Variants in CELF2 observed in about 807,000 individuals in gnomAD.
CELF2 encodes the protein CUG triplet repeat RNA-binding protein 2.
A neutral mutation model predicts 62.6 loss-of-function variants in CELF2; 8 were observed. The observed-to-expected ratio is 0.13, with a 90% confidence interval of 0.07 to 0.23. The LOEUF (loss-of-function observed/expected upper bound fraction) is 0.23. CELF2 is among the 10% of genes least tolerant of loss of function. The pLI is 1.00. For synonymous variants in CELF2, 258 were observed against 250.0 expected (o/e 1.03, Z -0.30); for missense variants, 333 against 671.0 (o/e 0.50, Z 5.56).
chr10:10,483,435 G>A, the CELF2 span, among the ~76,000 whole-genome samples: 1 of 152,166 alleles, frequency 6.6e-6, no homozygotes, highest in South Asian at 2.1e-4. Flanking sequence ...GGAGTCCACT[G>A]GGTATGTAAA....
the CELF2 span, among the ~76,000 whole-genome samples, chr10:10,751,437 GC>G: frequency 6.6e-6 from 1 of 152,196 alleles, no homozygotes; most frequent in African/African-American, 2.4e-5. Flanking sequence ...TATCTGAAGG[GC>G]ACAGAATGAT....
rs796607505 is a variant in CELF2, at chr10:11,188,531, GT to G, written c.271+22858del. ...TTTCAGATGTCATCCTTCTCCTTCT[GT>G]TTTTTTTTCCTCAGTCTGCTTTTAA... On this transcript the variant is annotated intron_variant, in intron 2 of 12. Transcript: ENST00000633077. Among the ~76,000 whole-genome samples the G allele has an allele frequency of 3.5e-3, 534 of 150,866 alleles. 5 individuals are homozygous for G. The highest frequency in any genetic ancestry group is 0.012 in the African/African-American group (499 of 41,120).
At chr10:10,788,453 CTTT>C in the CELF2 span, among the ~76,000 whole-genome samples, 3 of 95,746 alleles carry the variant, frequency 3.1e-5, no homozygotes, top group African/African-American at 3.8e-5. Flanking sequence ...TTCTTTCCAT[CTTT>C]TTTTTTTTTT....
intron 2 of CELF2, among the ~76,000 whole-genome samples, chr10:10,978,831 T>A (rs2051692444): frequency 6.6e-6 from 1 of 152,226 alleles, no homozygotes; most frequent in Non-Finnish European, 1.5e-5. Context: ...GTATTACTGA[T>A]GAATACTAGG....
At chr10:11,037,777 A>G (rs1466079668) in intron 1 of CELF2, among the ~76,000 whole-genome samples, 1 of 152,174 alleles carries the variant, frequency 6.6e-6, no homozygotes, top group African/African-American at 2.4e-5. Context: ...TTTAGTCTCC[A>G]CTTTGAAATG....
chr10:10,722,725 T>C, the CELF2 span, among the ~76,000 whole-genome samples: 1 of 152,256 alleles, frequency 6.6e-6, no homozygotes, highest in Non-Finnish European at 1.5e-5. Context: ...TGATTTTCTA[T>C]GACCAGCCAG....
At chr10:10,720,801 G>A in the CELF2 span, among the ~76,000 whole-genome samples, 1 of 152,176 alleles carries the variant, frequency 6.6e-6, no homozygotes, top group Non-Finnish European at 1.5e-5. Context: ...AACCTGGGTG[G>A]GCTTGGCTGG....
chr10:10,599,352 G>A, the CELF2 span, among the ~76,000 whole-genome samples: 2 of 152,296 alleles, frequency 1.3e-5, no homozygotes, highest in East Asian at 3.9e-4. Context: ...CAGATTTACT[G>A]AGAAGACTAA....
chr10:11,138,033 AGATGATAGAT>A (rs766098307), intron 1 of CELF2, among the ~76,000 whole-genome samples: 1 of 152,262 alleles, frequency 6.6e-6, no homozygotes, highest in Non-Finnish European at 1.5e-5. Flanking sequence ...AAACAGATTT[AGATGATAGAT>A]GAATTTTGGC....
chr10:10,673,440 A>T, the CELF2 span, among the ~76,000 whole-genome samples: 1 of 151,202 alleles, frequency 6.6e-6, no homozygotes, highest in East Asian at 1.9e-4. Context: ...CCTTGGTTGG[A>T]CTCACTAGGG....
At position 11,333,817 on chromosome 10, in the gene CELF2, C is replaced by T. The variant is rs369796088; in HGVS notation, c.*4764C>T. On this transcript the variant is annotated 3_prime_UTR_variant, in exon 13 of 13. Coordinates refer to ENST00000633077, the MANE Select transcript of CELF2 (RefSeq NM_001326342.2). ...TGGAATTTGAGCCAAAAAAAAAATACGCAGGCTTTCCTATTTCTACAACTG... is the reference window on the plus strand; with the variant it reads ...TGGAATTTGAGCCAAAAAAAAAATATGCAGGCTTTCCTATTTCTACAACTG... 62 of 151,886 alleles carry T rather than the reference C, an allele frequency of 4.1e-4. No homozygotes were observed. The East Asian group carries it at 6.4e-3, about 16-fold the overall frequency. 9.4% of individuals were successfully genotyped at this position (151,886 alleles called of 1,614,324 possible).
rs2094232235 is a variant in CELF2 at position 11,306,666 on chromosome 10, A to G, written c.977-7473A>G. Among the ~76,000 whole-genome samples, 2 of 152,198 alleles carry G rather than the reference A, an allele frequency of 1.3e-5. No homozygotes were observed. Among genetic ancestry groups the G allele is most frequent in the African/African-American group, 4.8e-5 (2 of 41,452 alleles). On this transcript the variant is annotated intron_variant, in intron 9 of 12. Transcript: ENST00000633077. This position sits in a 1 kb window ranked among gnomAD's most constrained non-coding sequence, Gnocchi z 4.4. ...TTTTCAAAGTATTGTCTGATGATGT[A>G]GAGTGCACAGGGAGTCTTTCCACTT... is the stretch of plus-strand genomic sequence containing the variant.
In CELF2 at chr10:11,314,882, C is replaced by G; in HGVS notation, c.1096+624C>G. On this transcript the variant is annotated intron_variant, in intron 10 of 12. Coordinates refer to ENST00000633077, the MANE Select transcript of CELF2 (RefSeq NM_001326342.2). This position sits in a 1 kb window ranked among gnomAD's most constrained non-coding sequence, Gnocchi z 5.3. ...ACATGATCAGAATCTTTATTAAGCA[C>G]CCACAGGTATGGGTCACTCTACATC... The G allele has an allele frequency of 5.8e-6, 1 of 173,384 alleles. No individual in the cohort carries two copies. Among genetic ancestry groups the G allele is most frequent in the Non-Finnish European group, 1.2e-5 (1 of 81,438 alleles). 10.7% of individuals were successfully genotyped at this position (173,384 alleles called of 1,614,324 possible).
At chr10:10,865,534 A>T (rs2060300426) in intron 1 of CELF2, among the ~76,000 whole-genome samples, 1 of 152,220 alleles carries the variant, frequency 6.6e-6, no homozygotes, top group African/African-American at 2.4e-5. Flanking sequence ...TTATAGTTAC[A>T]TCTAAGTCAT....
At chr10:10,661,701 T>A in the CELF2 span, among the ~76,000 whole-genome samples, 2 of 152,222 alleles carry the variant, frequency 1.3e-5, no homozygotes, top group African/African-American at 2.4e-5. Flanking sequence ...TTACCACGTT[T>A]CTAGGGTCAC....
chr10:11,151,763 A>C (rs1264028487), intron 1 of CELF2, among the ~76,000 whole-genome samples: 7 of 152,220 alleles, frequency 4.6e-5, no homozygotes, highest in African/African-American at 1.7e-4. Context: ...AAGAAAAAAA[A>C]AATAAGTAGA....
At chr10:10,717,458 G>A in the CELF2 span, among the ~76,000 whole-genome samples, 4 of 151,198 alleles carry the variant, frequency 2.6e-5, no homozygotes, top group Non-Finnish European at 4.4e-5. Flanking sequence ...TAATTTATAA[G>A]CCATTACTTT....
chr10:10,562,996 T>G, the CELF2 span, among the ~76,000 whole-genome samples: 1 of 152,030 alleles, frequency 6.6e-6, no homozygotes, highest in Non-Finnish European at 1.5e-5. Flanking sequence ...TGGTCCTTCC[T>G]CCTCCCCACC....
At chr10:11,095,144 G>A (rs1206353416) in intron 1 of CELF2, among the ~76,000 whole-genome samples, 4 of 152,040 alleles carry the variant, frequency 2.6e-5, no homozygotes, top group African/African-American at 9.7e-5. Context: ...CTTGATGCGT[G>A]GCCCCCGTGA....
Sources: gnomAD v4.1 joint callset for allele counts (sites outside exome capture counted in the v4.1 genomes callset) on GRCh38, gnomAD v4.1.1 for gene constraint, Gnocchi (gnomAD v3.1) non-coding constraint, MANE v1.5 for transcripts, NCBI Gene and HGNC (gene_info 2026-07-23, HGNC 2026-07-21) for gene names.